FRMD4A: variants seen among roughly 807,000 people sequenced by gnomAD.
The protein encoded by FRMD4A is FERM domain-containing protein 4A.
A neutral mutation model predicts 129.1 loss-of-function variants in FRMD4A; 29 were observed. The ratio of observed to expected loss-of-function variants is 0.22; its 90% CI spans 0.17 to 0.31. FRMD4A has a LOEUF of 0.31. Ranked by LOEUF, FRMD4A falls within the 10% of genes least tolerant of loss-of-function variation. FRMD4A has a pLI of 1.00. For synonymous variants in FRMD4A, 634 were observed against 571.6 expected (o/e 1.11, Z -1.56); for missense variants, 1,272 against 1,375.8 (o/e 0.92, Z 1.19).
At chr10:13,975,999 G>A (rs997554776) in intron 2 of FRMD4A, among the ~76,000 whole-genome samples, 2 of 152,124 alleles carry the variant, frequency 1.3e-5, no homozygotes, top group Admixed American at 6.5e-5. Context: ...ACAGTTGATC[G>A]CAAAACCTAA....
intron 2 of FRMD4A, among the ~76,000 whole-genome samples, chr10:14,312,408 C>T (rs367855904): frequency 3.9e-5 from 6 of 152,136 alleles, no homozygotes; most frequent in African/African-American, 1.2e-4. Flanking sequence ...AAAACTAATT[C>T]GCATGATATC....
At chr10:14,209,984 A>G (rs4750490) in intron 2 of FRMD4A, among the ~76,000 whole-genome samples, 150,570 of 152,264 alleles carry the variant, frequency 0.99, 74,467 homozygotes, top group East Asian at 1. Context: ...GGAGAGTGAC[A>G]AAGAGAGAAG....
intron 5 of FRMD4A, among the ~76,000 whole-genome samples, chr10:13,794,209 T>G (rs1055771151): frequency 6.6e-6 from 1 of 151,956 alleles, no homozygotes; most frequent in East Asian, 1.9e-4. Context: ...CTGACCAACA[T>G]GGTGAAACAC....
chr10:14,020,107 G>A lies in FRMD4A; in HGVS notation c.46-161195C>T, dbSNP rs573386512. Among the ~76,000 whole-genome samples the A allele has an allele frequency of 4.6e-5, 7 of 152,314 alleles. No homozygotes were observed. In the South Asian group the frequency reaches 8.3e-4, roughly 18 times the overall value. On this transcript the variant is annotated intron_variant, in intron 2 of 24. Transcript: ENST00000357447. ...TGGAGCTTGTCCTGAAGAGCCATTC[G>A]TGTGCTTGGACTGATCTCCCGTCTT...
At chr10:13,651,751 T>TAAAA in intron 24 of FRMD4A, 152 bp downstream of exon 24, 1 of 626,684 alleles carries the variant, frequency 1.6e-6, no homozygotes, top group Non-Finnish European at 2.9e-6. Context: ...AACCTTCAGC[T>TAAAA]AAAAACATAG....
At chr10:13,854,857 A>G (rs2094192120) in intron 3 of FRMD4A, among the ~76,000 whole-genome samples, 1 of 152,186 alleles carries the variant, frequency 6.6e-6, no homozygotes, top group South Asian at 2.1e-4. Context: ...TGTGTCCACA[A>G]CCAAGGCTGC....
At chr10:13,801,129 C>A (rs2093245133) in intron 4 of FRMD4A, among the ~76,000 whole-genome samples, 1 of 152,132 alleles carries the variant, frequency 6.6e-6, no homozygotes, top group African/African-American at 2.4e-5. Flanking sequence ...TGCCTGTAGT[C>A]CCAGCTTCTT....
chr10:13,958,608 T>C (rs1275853719), intron 2 of FRMD4A, among the ~76,000 whole-genome samples: 1 of 136,050 alleles, frequency 7.4e-6, no homozygotes, highest in East Asian at 2.3e-4. Flanking sequence ...TTCTTTTTTT[T>C]TTTCCCCGCT....
chr10:14,322,158 G>C (rs1266181326), intron 2 of FRMD4A, among the ~76,000 whole-genome samples: 21 of 152,112 alleles, frequency 1.4e-4, no homozygotes, highest in Non-Finnish European at 7.4e-5. Context: ...TACTACACTA[G>C]GTATGAGAGA....
chr10:14,187,897 G>A (rs1200560151), intron 2 of FRMD4A, among the ~76,000 whole-genome samples: 2 of 152,152 alleles, frequency 1.3e-5, no homozygotes. Flanking sequence ...ATGGGCCTTG[G>A]GACAGTGGGG....
At chr10:14,237,047 T>C (rs891766905) in intron 2 of FRMD4A, among the ~76,000 whole-genome samples, 3 of 148,954 alleles carry the variant, frequency 2.0e-5, no homozygotes, top group African/African-American at 2.5e-5. Context: ...ATTTTTATAA[T>C]TTTTTGATAG....
At chr10:13,707,421 T>G (rs1436992003) in intron 12 of FRMD4A, 1 of 1,071,028 alleles carries the variant, frequency 9.3e-7, no homozygotes, top group African/African-American at 1.6e-5. Flanking sequence ...AGTCCCCAGC[T>G]TGGCAGACTT....
At chr10:13,886,707 G>A (rs912584890) in intron 2 of FRMD4A, among the ~76,000 whole-genome samples, 9 of 151,822 alleles carry the variant, frequency 5.9e-5, no homozygotes, top group South Asian at 4.2e-4. Flanking sequence ...TAGCCTCCTG[G>A]AGCAGCTGGG....
chr10:13,878,790 A>AGAGAG (rs1564959994), intron 2 of FRMD4A, among the ~76,000 whole-genome samples: 43 of 129,464 alleles, frequency 3.3e-4, no homozygotes, highest in African/African-American at 1.2e-3. Context: ...GAGAGAGAGA[A>AGAGAG]AGAGAGAAGG....
chr10:13,768,104 G>A (rs938513597), intron 6 of FRMD4A, among the ~76,000 whole-genome samples: 5 of 152,230 alleles, frequency 3.3e-5, no homozygotes, highest in East Asian at 1.9e-4. Context: ...GTGTGTGTGC[G>A]AACGTGCTCT....
chr10:13,878,580 T>C (rs2094512733), intron 2 of FRMD4A, among the ~76,000 whole-genome samples: 1 of 151,702 alleles, frequency 6.6e-6, no homozygotes, highest in South Asian at 2.1e-4. Flanking sequence ...TGGCAAAACG[T>C]TGTCTCTACT....
intron 2 of FRMD4A, among the ~76,000 whole-genome samples, chr10:13,884,150 ACACTCT>A (rs1159230952): frequency 0.055 from 1,146 of 20,720 alleles, 35 homozygotes; most frequent in African/African-American, 0.073. Flanking sequence ...ACACTCTCAC[ACACTCT>A]CACACACACA....
At chr10:13,712,730 G>A (rs946946392) in intron 12 of FRMD4A, among the ~76,000 whole-genome samples, 1 of 152,174 alleles carries the variant, frequency 6.6e-6, no homozygotes, top group Non-Finnish European at 1.5e-5. Flanking sequence ...CCTGTTCTGG[G>A]CCTCAGTATC....
At chr10:13,768,985 A>AT (rs10558942) in intron 6 of FRMD4A, among the ~76,000 whole-genome samples, 1,307 of 103,324 alleles carry the variant, frequency 0.013, 33 homozygotes, top group African/African-American at 0.042. Context: ...ACTTTACTAG[A>AT]TTTTTTTTTT....
Sources: allele counts gnomAD v4.1 joint callset (sites outside exome capture counted in the v4.1 genomes callset), GRCh38; gene constraint gnomAD v4.1.1; transcripts MANE v1.5; gene names NCBI Gene and HGNC (gene_info 2026-07-23, HGNC 2026-07-21).